FREM1: variants seen among roughly 807,000 people sequenced by gnomAD.
FREM1 encodes FRAS1 related extracellular matrix 1.
In FREM1, 220 loss-of-function variants were observed where a neutral mutation model predicts 210.1. The ratio of observed to expected loss-of-function variants is 1.05; its 90% CI spans 0.94 to 1.17. The LOEUF (loss-of-function observed/expected upper bound fraction) is 1.17, where lower values mean the gene tolerates loss of function less well. Among genes scored for constraint, FREM1 ranks in the 50% most tolerant of loss-of-function variants. The pLI is 0.00. For missense variants in FREM1, 3,454 were observed against 2,675.5 expected (o/e 1.29, Z -6.42); for synonymous variants, 1,189 against 980.2 (o/e 1.21, Z -3.98).
At chr9:14,798,392 C>T (rs1852846168) in intron 20 of FREM1, among the ~76,000 whole-genome samples, 1 of 152,082 alleles carries the variant, frequency 6.6e-6, no homozygotes, top group Admixed American at 6.5e-5. Context: ...GGGAGGATCG[C>T]TTGAGGCCAG....
rs1824684735 is a variant in FREM1, at chr9:14,836,730, C to T, written c.1881+4717G>A. Among the ~76,000 whole-genome samples the T allele has an allele frequency of 6.6e-6, 1 of 152,140 alleles. No individual in the cohort carries two copies. Among genetic ancestry groups the T allele is most frequent in the Non-Finnish European group, 1.5e-5 (1 of 68,020 alleles). On this transcript the variant is annotated intron_variant, in intron 10 of 36. Transcript: ENST00000380880. The surrounding 1 kb of genome is among the most constrained non-coding windows in gnomAD (Gnocchi z 4.9). ...GCAAACTGAACCGCATGTGGACATG[C>T]CATTCTTCCGAGGACCCTTAAATCA...
In FREM1 at chr9:14,813,008, C is replaced by A. The variant is rs1819675164; in HGVS notation, c.2697G>T (p.Met899Ile). 1.2e-6 allele frequency: 2 copies of A among 1,613,866 alleles called. No individual in the cohort carries two copies. Among genetic ancestry groups the A allele is most frequent in the South Asian group, 2.2e-5 (2 of 91,060 alleles). ...PVLKADLMPV[M>I]NCSEGGEVVI... Reference sequence around the variant, plus strand: ...CCACCTCTCCTCCCTCTGAGCAATTCATGACAGGCATGAGGTCAGCCTTTA... The same window carrying A: ...CCACCTCTCCTCCCTCTGAGCAATTAATGACAGGCATGAGGTCAGCCTTTA... Residue 899 changes from methionine to isoleucine, a missense_variant, in exon 16 of 37, where the codon ATG (methionine) becomes ATT (isoleucine). Coordinates refer to ENST00000380880, the MANE Select transcript of FREM1 (RefSeq NM_001379081.2).
At chr9:14,837,249 T>C (rs1180052883) in intron 10 of FREM1, among the ~76,000 whole-genome samples, 3 of 152,122 alleles carry the variant, frequency 2.0e-5, no homozygotes, top group Non-Finnish European at 2.9e-5. Flanking sequence ...TCCTGAGCCC[T>C]ATGCAAATCA....
chr9:14,743,991 A>T (rs1841997512), intron 35 of FREM1, among the ~76,000 whole-genome samples: 1 of 152,112 alleles, frequency 6.6e-6, no homozygotes, highest in Admixed American at 6.5e-5. Flanking sequence ...TAATGACGGA[A>T]GAATGTCTTA....
At chr9:14,767,755 T>C (rs866428358) in intron 27 of FREM1, among the ~76,000 whole-genome samples, 1 of 152,104 alleles carries the variant, frequency 6.6e-6, no homozygotes, top group Non-Finnish European at 1.5e-5. Flanking sequence ...AAAATGATGA[T>C]GATAAATGCT....
At chr9:14,871,753 A>G (rs1296596468) in intron 1 of FREM1, among the ~76,000 whole-genome samples, 1 of 151,702 alleles carries the variant, frequency 6.6e-6, no homozygotes. Flanking sequence ...GAATGGTAAT[A>G]CCTAGGTTTT....
At chr9:14,825,316 C>T (rs181949637) in intron 10 of FREM1, among the ~76,000 whole-genome samples, 4 of 151,292 alleles carry the variant, frequency 2.6e-5, no homozygotes, top group South Asian at 2.1e-4. Context: ...AGTGAAACCC[C>T]GTCTCTACGA....
intron 24 of FREM1, among the ~76,000 whole-genome samples, chr9:14,783,725 G>C (rs796852657): frequency 1.6e-4 from 25 of 152,228 alleles, no homozygotes; most frequent in African/African-American, 6.0e-4. Flanking sequence ...TTGTATCTTT[G>C]CCTTTTCACC....
intron 36 of FREM1, among the ~76,000 whole-genome samples, chr9:14,739,379 C>G (rs975092831): frequency 6.6e-6 from 1 of 150,676 alleles, no homozygotes; most frequent in Non-Finnish European, 1.5e-5. Flanking sequence ...CCTAGGATTA[C>G]AGGCGTGAGC....
Position 14,851,404 on chromosome 9 carries a change from A to C in FREM1, c.1032T>G (p.Tyr344Ter). The change falls in exon 6 of 37, where the codon TAT (tyrosine) becomes TAG (stop). Residue 344 changes from tyrosine to a stop codon, truncating the protein, a stop_gained. Transcript: ENST00000380880. LOFTEE classifies it high-confidence loss of function. ...FNITKAPLQG[Y>*]VTHLLDHTRP... The stretch of plus-strand genomic sequence containing the variant: ...TGGTGTGATCCAACAGGTGAGTCAC[A>C]TAGCCCTGGAGCGGGGCTTTAGTAA... 2 of 1,613,958 alleles carry C rather than the reference A, an allele frequency of 1.2e-6. No homozygotes were observed. The highest frequency in any genetic ancestry group is 2.2e-5 in the South Asian group (2 of 91,082).
rs1824679516 is a variant in FREM1 at position 14,836,709 on chromosome 9, A to C, written c.1881+4738T>G. Among the ~76,000 whole-genome samples, 1 of 152,148 alleles carries C rather than the reference A, an allele frequency of 6.6e-6. No individual in the cohort carries two copies. Among genetic ancestry groups the C allele is most frequent in the African/African-American group, 2.4e-5 (1 of 41,436 alleles). On this transcript the variant is annotated intron_variant, in intron 10 of 36. Transcript: ENST00000380880. This position sits in a 1 kb window ranked among gnomAD's most constrained non-coding sequence, Gnocchi z 4.9. ...AATCAAACTCCAAATGGTGCTGCAA[A>C]CTGAACCGCATGTGGACATGCCATT... is the stretch of plus-strand genomic sequence containing the variant.
intron 27 of FREM1, among the ~76,000 whole-genome samples, chr9:14,767,367 G>T (rs143947733): frequency 1.3e-3 from 202 of 152,254 alleles, no homozygotes; most frequent in African/African-American, 4.7e-3. Flanking sequence ...ATTCCCTTCA[G>T]GCCAGATTAG....
intron 10 of FREM1, among the ~76,000 whole-genome samples, chr9:14,837,276 G>A (rs1824810655): frequency 6.6e-6 from 1 of 152,112 alleles, no homozygotes; most frequent in African/African-American, 2.4e-5. Flanking sequence ...ACCTCCTCCA[G>A]CCTCTGCATA....
chr9:14,904,047 G>A (rs902020808), intron 1 of FREM1, among the ~76,000 whole-genome samples: 1 of 148,898 alleles, frequency 6.7e-6, no homozygotes, highest in Non-Finnish European at 1.5e-5. Context: ...GCGTGAACCT[G>A]GGAGGCGGAG....
At chr9:14,759,411 G>A (rs1340403300) in intron 28 of FREM1, among the ~76,000 whole-genome samples, 1 of 148,512 alleles carries the variant, frequency 6.7e-6, no homozygotes, top group Non-Finnish European at 1.5e-5. Flanking sequence ...TCGGGAGCCT[G>A]AGGCAGGAGA....
Position 14,782,236 on chromosome 9 carries a change from T to A in FREM1, c.4442+2134A>T, listed in dbSNP as rs554063390. 29 of 341,106 alleles carry A rather than the reference T, an allele frequency of 8.5e-5. 1 individual carries two copies. The South Asian group carries it at 1.4e-3, about 17-fold the overall frequency. 21.1% of individuals were successfully genotyped at this position (341,106 alleles called of 1,614,324 possible). A position where few individuals can be genotyped will look rare whatever the true frequency, so the allele number is the denominator to read the frequency against. On this transcript the variant is annotated intron_variant, in intron 24 of 36. Coordinates refer to ENST00000380880, the MANE Select transcript of FREM1 (RefSeq NM_001379081.2). ...ATCTGAGGATCCAGAAATGTAGAAA[T>A]TCCTGGGATAAATGATTTCTAAAAT...
rs1845150277 is a variant in FREM1 at position 14,759,828 on chromosome 9, G to T, written c.5278C>A (p.Pro1760Thr). ...TATCCCCTTCTGATAATTTCCAAGGGCAACAAACCCACATTCTCACAGACT... is the reference window on the plus strand; with the variant it reads ...TATCCCCTTCTGATAATTTCCAAGGTCAACAAACCCACATTCTCACAGACT... ...YEVCENVGLL[P>T]LEIIRRGYSM... The change falls in exon 28 of 37, where the codon CCC becomes ACC. Residue 1760 changes from proline (P) to threonine (T), a missense_variant. Coordinates refer to ENST00000380880, the MANE Select transcript of FREM1 (RefSeq NM_001379081.2). 1 of 1,612,458 alleles carries T rather than the reference G, an allele frequency of 6.2e-7. No homozygotes were observed. The highest frequency in any genetic ancestry group is 8.5e-7 in the Non-Finnish European group (1 of 1,178,970).
intron 2 of FREM1, among the ~76,000 whole-genome samples, chr9:14,867,586 G>C (rs1292035824): frequency 6.6e-6 from 1 of 152,198 alleles, no homozygotes; most frequent in Non-Finnish European, 1.5e-5. Context: ...TTGAAGTGTG[G>C]TAAATGGAGT....
chr9:14,908,348 G>A (rs1376503193), intron 1 of FREM1, among the ~76,000 whole-genome samples: 1 of 152,150 alleles, frequency 6.6e-6, no homozygotes, highest in Admixed American at 6.5e-5. Flanking sequence ...AACCCCTACA[G>A]CCCAGCAGCC....
Sources: allele counts gnomAD v4.1 joint callset (sites outside exome capture counted in the v4.1 genomes callset), GRCh38; gene constraint gnomAD v4.1.1; non-coding constraint Gnocchi (gnomAD v3.1); transcripts MANE v1.5; gene names NCBI Gene and HGNC (gene_info 2026-07-23, HGNC 2026-07-21).